Variants in ULK1 observed in about 807,000 individuals in gnomAD.
The protein encoded by ULK1 is unc-51 like autophagy activating kinase 1, also known as serine/threonine-protein kinase ULK1.
A neutral mutation model predicts 117.5 loss-of-function variants in ULK1; 48 were observed. The observed-to-expected ratio is 0.41, with a 90% confidence interval of 0.32 to 0.52. The LOEUF is 0.52. Ranked by LOEUF, ULK1 falls within the 20% of genes least tolerant of loss-of-function variation. ULK1 has a pLI of 0.29. For synonymous variants in ULK1, 790 were observed against 637.8 expected (o/e 1.24, Z -3.60); for missense variants, 1,387 against 1,473.4 (o/e 0.94, Z 0.96).
At position 131,908,719 on chromosome 12, in the gene ULK1, G is replaced by C; in HGVS notation, c.392G>C (p.Ser131Thr). 6.2e-7 allele frequency: 1 copy of C among 1,607,560 alleles called. No homozygotes were observed. Among genetic ancestry groups the C allele is most frequent in the Non-Finnish European group, 8.5e-7 (1 of 1,178,428 alleles). The stretch of plus-strand genomic sequence containing the variant: ...GCGGGCGCCATGCGGCTTCTGCACA[G>C]CAAAGGCATCATCCACCGCGACCTG... ...QIAGAMRLLH[S>T]KGIIHRDLKP... Residue 131 changes from serine (S) to threonine (T), a missense_variant, in exon 6 of 28, where the codon AGC (serine) becomes ACC (threonine). Physicochemically the swap from Ser to Thr is moderately conservative, Grantham distance 58. This residue lies in a region of ULK1 where 224 missense variants were observed against 325.2 expected (regional missense o/e 0.69). Transcript: ENST00000321867.
At chr12:131,900,167 A>G (rs117776735) in intron 3 of ULK1, among the ~76,000 whole-genome samples, 3,513 of 149,128 alleles carry the variant, frequency 0.024, 56 homozygotes, top group Middle Eastern at 0.071. Flanking sequence ...CATCTTGAGT[A>G]TGTTAAGTCT....
rs1011681942 is a variant in ULK1 at position 131,921,988 on chromosome 12, T to C, written c.*627T>C. On this transcript the variant is annotated 3_prime_UTR_variant, in exon 28 of 28. Coordinates refer to ENST00000321867, the MANE Select transcript of ULK1 (RefSeq NM_003565.4). ...ACCGGACCACGTTGCTGCCCAGGTC[T>C]GGACCTCAGCGGGAGAACTGGCTCC... 7 of 455,626 alleles carry C rather than the reference T, an allele frequency of 1.5e-5. No homozygotes were observed. Among genetic ancestry groups the C allele is most frequent in the African/African-American group, 4.0e-5 (2 of 50,084 alleles). The allele number at this position is 455,626 out of a possible 1,614,324, so 28.2% of individuals were successfully genotyped here.
In ULK1 at chr12:131,913,820, T is replaced by A; in HGVS notation, c.1231T>A (p.Ser411Thr). 1 of 1,549,852 alleles carries A rather than the reference T, an allele frequency of 6.5e-7. No homozygotes were observed. The change falls in exon 15 of 28, where the codon TCC (serine) becomes ACC (threonine). Residue 411 changes from serine to threonine, a missense_variant. Transcript: ENST00000321867. ...TPSPSPPCSS[S>T]PSPSGRAGPF... ...ATCTCCATCCCCACCCTGCAGCAGC[T>A]CCCCCAGTCCCTCAGGGTAAGCAGG...
Position 131,915,807 on chromosome 12 carries a change from C to T in ULK1, c.1610-84C>T. On this transcript the variant is annotated intron_variant, in intron 18 of 27. Transcript: ENST00000321867. ...GAGTGGGGCCTTGGAGTGCGTCTAC[C>T]CCAAGGGGCTCCGTGTGGTAGCAGT... is the stretch of plus-strand genomic sequence containing the variant. The T allele has an allele frequency of 3.2e-6, 5 of 1,562,284 alleles. No individual in the cohort carries two copies. The Admixed American group carries it at 9.3e-5, about 29-fold the overall frequency.
At chr12:131,908,849 G>A (rs567759604) in intron 6 of ULK1, 32 bp downstream of exon 6, 1 of 1,606,418 alleles carries the variant, frequency 6.2e-7, no homozygotes, top group Non-Finnish European at 8.5e-7. Context: ...CGGGCCCGGC[G>A]GGGAGGGGCT....
chr12:131,915,024 G>T, intron 16 of ULK1, 59 bp from the exon 17 acceptor site: 1 of 1,505,908 alleles, frequency 6.6e-7, no homozygotes, highest in Non-Finnish European at 8.9e-7. Context: ...GTCCTCTGCC[G>T]TCCACAGGTC....
At chr12:131,904,804 T>C (rs1344476802) in intron 3 of ULK1, among the ~76,000 whole-genome samples, 1 of 152,006 alleles carries the variant, frequency 6.6e-6, no homozygotes, top group East Asian at 1.9e-4. Flanking sequence ...GGAGGGGCTG[T>C]GGGGAGGGTA....
In ULK1 at chr12:131,917,566, C is replaced by G; in HGVS notation, c.2326+12C>G. 7.1e-7 allele frequency: 1 copy of G among 1,409,346 alleles called. No homozygotes were observed. The highest frequency in any genetic ancestry group is 1.5e-5 in the African/African-American group (1 of 67,482). 87.3% of individuals were successfully genotyped at this position (1,409,346 alleles called of 1,614,324 possible). ...CAGGATGTTCTCAGGTGAGGGCTGG[C>G]TAGGCTGAAGCCCTGTCCCTTTTGG... On this transcript the variant is annotated intron_variant, in intron 22 of 27. Transcript: ENST00000321867.
chr12:131,914,551 A>G, intron 16 of ULK1, 74 bp downstream of exon 16: 5 of 1,543,572 alleles, frequency 3.2e-6, no homozygotes, highest in Non-Finnish European at 4.4e-6. Context: ...CGGCTCCCAT[A>G]GAGGGACAGG....
rs1389147770 is a variant in ULK1 at position 131,919,254 on chromosome 12, C to G, written c.2554C>G (p.Leu852Val). ...EILRGLRFTL[L>V]FVQHVLEIAA... is the part of the protein sequence containing the mutation. Reference sequence around the variant, plus strand: ...CCTGCGTGGCCTGCGCTTCACGCTGCTGTTCGTGCAGCACGTCCTGGAGAT... The same window carrying G: ...CCTGCGTGGCCTGCGCTTCACGCTGGTGTTCGTGCAGCACGTCCTGGAGAT... The change falls in exon 24 of 28, where the codon CTG becomes GTG. Residue 852 changes from leucine to valine, a missense_variant. Leu to Val is a conservative substitution (Grantham distance 32). This residue lies in a region of ULK1 where 900 missense variants were observed against 858.9 expected (regional missense o/e 1.05). Transcript: ENST00000321867. The G allele has an allele frequency of 6.3e-7, 1 of 1,598,160 alleles. No homozygotes were observed. The highest frequency in any genetic ancestry group is 1.3e-5 in the African/African-American group (1 of 74,704).
chr12:131,916,065 G>T lies in ULK1; in HGVS notation c.1784G>T (p.Gly595Val). 1.2e-6 allele frequency: 2 copies of T among 1,612,410 alleles called. No individual in the cohort carries two copies. The highest frequency in any genetic ancestry group is 1.7e-6 in the Non-Finnish European group (2 of 1,179,844). ...GCCAGCCCTCCCCAGCCGTCCCACG[G>T]CCTGCAGTCCTGCCGGAACCTGCGG... Reference protein sequence around the residue: ...PQASPPQPSHGLQSCRNLRGS... With the variant: ...PQASPPQPSHVLQSCRNLRGS... The change falls in exon 19 of 28, where the codon GGC becomes GTC. Residue 595 changes from glycine (G) to valine (V), a missense_variant. This residue lies in a region of ULK1 where 900 missense variants were observed against 858.9 expected (regional missense o/e 1.05). Coordinates refer to ENST00000321867, the MANE Select transcript of ULK1 (RefSeq NM_003565.4).
intron 22 of ULK1, 148 bp downstream of exon 22, chr12:131,917,702 C>T (rs1889925881): frequency 1.2e-6 from 1 of 817,428 alleles, no homozygotes; most frequent in Non-Finnish European, 1.7e-6. Flanking sequence ...CCTGAGAAAC[C>T]CCTGCTCTGT....
chr12:131,908,281 G>T (rs1889361003), intron 5 of ULK1, among the ~76,000 whole-genome samples: 2 of 152,154 alleles, frequency 1.3e-5, no homozygotes, highest in African/African-American at 2.4e-5. Context: ...CTGGGGCTGC[G>T]GGTCGGGTCG....
In ULK1 at chr12:131,921,296, C is replaced by G; in HGVS notation, c.3098-10C>G. The G allele has an allele frequency of 1.9e-6, 3 of 1,608,180 alleles. No homozygotes were observed. The highest frequency in any genetic ancestry group is 2.5e-6 in the Non-Finnish European group (3 of 1,179,950). On this transcript the variant is annotated splice_polypyrimidine_tract_variant and intron_variant, in intron 27 of 27. Transcript: ENST00000321867. ...GGGCGTCTCCCTCACACTCCCCTCT[C>G]CCTCCACAGGCAAGCTGTGCATTGA...
intron 3 of ULK1, among the ~76,000 whole-genome samples, chr12:131,906,178 T>A (rs1039155724): frequency 1.5e-4 from 23 of 151,824 alleles, no homozygotes; most frequent in Non-Finnish European, 2.4e-4. Flanking sequence ...ACTGCAGCCT[T>A]CTCCTCCCGG....
At chr12:131,917,615 CG>C (rs1889920975) in intron 22 of ULK1, 61 bp downstream of exon 22, 1 of 1,309,334 alleles carries the variant, frequency 7.6e-7, no homozygotes. Context: ...CCCTAGCGGA[CG>C]GGGGCATCCT....
intron 3 of ULK1, among the ~76,000 whole-genome samples, chr12:131,901,355 CAAA>C (rs199720837): frequency 2.0e-5 from 2 of 100,846 alleles, no homozygotes; most frequent in Non-Finnish European, 2.2e-5. Flanking sequence ...AGACTCGTCT[CAAA>C]AAAAAAAAAA....
Position 131,922,355 on chromosome 12 carries a change from G to A in ULK1, c.*994G>A. 1 of 277,802 alleles carries A rather than the reference G, an allele frequency of 3.6e-6. No individual in the cohort carries two copies. The highest frequency in any genetic ancestry group is 7.2e-6 in the Non-Finnish European group (1 of 138,386). 17.2% of individuals were successfully genotyped at this position (277,802 alleles called of 1,614,324 possible). ...TGTGGCAGCAGCAGGACAGGTGTGT[G>A]CCCAGCACCCTCCCTACCTGGGCCT... On this transcript the variant is annotated 3_prime_UTR_variant, in exon 28 of 28. Transcript: ENST00000321867.
chr12:131,901,225 G>C (rs987210374), intron 3 of ULK1, among the ~76,000 whole-genome samples: 4 of 151,908 alleles, frequency 2.6e-5, no homozygotes, highest in Non-Finnish European at 5.9e-5. Context: ...TGGGCGTGGT[G>C]GTGGGCGCCT....
Sources: gnomAD v4.1 joint callset for allele counts (sites outside exome capture counted in the v4.1 genomes callset) on GRCh38, gnomAD v4.1.1 for gene constraint, gnomAD v4.1.1 regional missense constraint, MANE v1.5 for transcripts, NCBI Gene and HGNC (gene_info 2026-07-23, HGNC 2026-07-21) for gene names.